CSNK1A1: variants seen among roughly 807,000 people sequenced by gnomAD.
The protein encoded by CSNK1A1 is casein kinase 1 alpha 1.
CSNK1A1 carries 7 observed loss-of-function variants against 46.1 expected under a neutral mutation model. The observed-to-expected ratio is 0.15, with a 90% CI of 0.09 to 0.29. The LOEUF is 0.29. Ranked by LOEUF, CSNK1A1 falls within the 10% of genes least tolerant of loss-of-function variation. The pLI, the probability that CSNK1A1 is intolerant of heterozygous loss-of-function variation, is 1.00. For missense variants in CSNK1A1, 96 were observed against 417.1 expected (o/e 0.23, Z 6.71); for synonymous variants, 137 against 141.5 (o/e 0.97, Z 0.23).
intron 9 of CSNK1A1, chr5:149,498,306 C>G (rs1171934019): frequency 1.8e-5 from 18 of 985,010 alleles, no homozygotes; most frequent in Non-Finnish European, 2.0e-5. Flanking sequence ...GTACTAAGTC[C>G]ATAAGCACCA....
intron 6 of CSNK1A1, among the ~76,000 whole-genome samples, chr5:149,510,546 T>C (rs1237486996): frequency 2.0e-5 from 3 of 152,178 alleles, no homozygotes; most frequent in African/African-American, 2.4e-5. Context: ...GGCTCGATTA[T>C]AGCTCGCTGT....
In CSNK1A1 at chr5:149,510,078, A is replaced by T. The variant is rs552492110; in HGVS notation, c.676-125T>A. The T allele has an allele frequency of 1.1e-3, 705 of 636,060 alleles. 1 individual carries two copies. Among genetic ancestry groups the T allele is most frequent in the Non-Finnish European group, 1.6e-3 (640 of 399,646 alleles). The allele number at this position is 636,060 out of a possible 1,614,324, so 39.4% of individuals were successfully genotyped here. A position where few individuals can be genotyped will look rare whatever the true frequency, so the allele number is the denominator to read the frequency against. On this transcript the variant is annotated intron_variant, in intron 6 of 9. Transcript: ENST00000377843. ...CAAGAGAAATTTTAACCCAGAATTT[A>T]AAAAATCAAAGTATAATACATCTAA...
At chr5:149,532,216 G>A (rs1346698367) in intron 2 of CSNK1A1, among the ~76,000 whole-genome samples, 1 of 152,040 alleles carries the variant, frequency 6.6e-6, no homozygotes, top group Non-Finnish European at 1.5e-5. Flanking sequence ...TATAGGAGCA[G>A]GTCTAATAAA....
intron 5 of CSNK1A1, 43 bp from the exon 6 acceptor site, chr5:149,511,915 T>C (rs745801912): frequency 6.2e-6 from 9 of 1,442,222 alleles, no homozygotes; most frequent in African/African-American, 2.8e-5. Context: ...ACTATTATTA[T>C]GAAAAAACAT....
intron 2 of CSNK1A1, among the ~76,000 whole-genome samples, chr5:149,547,955 C>T (rs1762531931): frequency 6.6e-6 from 1 of 151,994 alleles, no homozygotes; most frequent in Admixed American, 6.5e-5. Context: ...ACTGCAACCT[C>T]CGACTCCCGG....
At chr5:149,541,779 CA>C (rs1304537907) in intron 2 of CSNK1A1, among the ~76,000 whole-genome samples, 3 of 151,710 alleles carry the variant, frequency 2.0e-5, no homozygotes, top group African/African-American at 7.3e-5. Flanking sequence ...AGTTCGAGAC[CA>C]GCCTGACCAA....
chr5:149,542,357 T>C (rs1415867395), intron 2 of CSNK1A1, among the ~76,000 whole-genome samples: 1 of 151,480 alleles, frequency 6.6e-6, no homozygotes, highest in Non-Finnish European at 1.5e-5. Context: ...TTTCATTATA[T>C]GTTACAATGT....
chr5:149,501,612 C>T (rs1018425853), intron 9 of CSNK1A1: 1 of 985,098 alleles, frequency 1.0e-6, no homozygotes, highest in African/African-American at 1.7e-5. Context: ...TGATAAAACT[C>T]TGCTTAGTAA....
chr5:149,548,187 A>G (rs1291635311), intron 2 of CSNK1A1, among the ~76,000 whole-genome samples: 1 of 152,106 alleles, frequency 6.6e-6, no homozygotes, highest in Non-Finnish European at 1.5e-5. Flanking sequence ...CTTTTTAAGG[A>G]CAGTTTTATT....
At chr5:149,522,258 C>T (rs1281720866) in intron 3 of CSNK1A1, among the ~76,000 whole-genome samples, 1 of 152,062 alleles carries the variant, frequency 6.6e-6, no homozygotes, top group African/African-American at 2.4e-5. Context: ...CGGACATGCG[C>T]GTTACCATGC....
intron 2 of CSNK1A1, among the ~76,000 whole-genome samples, chr5:149,542,597 TATATATATATA>T (rs1762275103): frequency 1.8e-3 from 6 of 3,256 alleles, no homozygotes; most frequent in African/African-American, 0.013. Context: ...CAAATTTATA[TATATATATATA>T]TATATATATA....
intron 9 of CSNK1A1, chr5:149,498,903 CCTGTTAT>C (rs1164107845): frequency 1.0e-6 from 1 of 985,236 alleles, no homozygotes; most frequent in South Asian, 4.7e-5. Flanking sequence ...CATCTTTTGA[CCTGTTAT>C]CTGAGGAATT....
intron 9 of CSNK1A1, chr5:149,502,356 T>C (rs1016812802): frequency 3.1e-6 from 3 of 962,250 alleles, no homozygotes; most frequent in South Asian, 4.8e-5. Context: ...AAATTCCTTG[T>C]TGTGACACAG....
intron 4 of CSNK1A1, among the ~76,000 whole-genome samples, chr5:149,514,241 G>A (rs1050276490): frequency 6.6e-6 from 1 of 152,124 alleles, no homozygotes; most frequent in African/African-American, 2.4e-5. Flanking sequence ...ATGTCTATAT[G>A]GTACTCAGGG....
In CSNK1A1 at chr5:149,498,223, GC is replaced by G. The variant is rs915135119; in HGVS notation, c.1007-1364del. ...TAATATTTATTTCTTATGCATATAT[GC>G]CCCTTTTTTTTTTTGGGAAATAATA... is the stretch of plus-strand genomic sequence containing the variant. On this transcript the variant is annotated intron_variant, in intron 9 of 9. Coordinates refer to ENST00000377843, the MANE Select transcript of CSNK1A1 (RefSeq NM_001892.6). The G allele has an allele frequency of 3.3e-5, 32 of 984,470 alleles. No homozygotes were observed. In the African/African-American group the frequency reaches 5.3e-4, roughly 16 times the overall value. The allele number at this position is 984,470 out of a possible 1,614,324, so 61.0% of individuals were successfully genotyped here. A position where few individuals can be genotyped will look rare whatever the true frequency, so the allele number is the denominator to read the frequency against.
chr5:149,517,416 A>G lies in CSNK1A1; in HGVS notation c.456+2874T>C, dbSNP rs1161540634. On this transcript the variant is annotated intron_variant, in intron 4 of 9. Transcript: ENST00000377843. The surrounding 1 kb of genome is among the most constrained non-coding windows in gnomAD (Gnocchi z 4.4). ...CAGCACTAATGAACTGAATTTAAAT[A>G]TATTTCGTGCATTAAGTTGTGTAAC... is the stretch of plus-strand genomic sequence containing the variant. Among the ~76,000 whole-genome samples, 2 of 152,190 alleles carry G rather than the reference A, an allele frequency of 1.3e-5. No individual in the cohort carries two copies. The highest frequency in any genetic ancestry group is 2.4e-5 in the African/African-American group (1 of 41,446).
intron 4 of CSNK1A1, among the ~76,000 whole-genome samples, chr5:149,516,107 G>A (rs888749324): frequency 1.3e-5 from 2 of 152,166 alleles, no homozygotes; most frequent in Admixed American, 1.3e-4. Context: ...ATCACTTGAG[G>A]TCAGGAGTTC....
At position 149,550,310 on chromosome 5, in the gene CSNK1A1, G is replaced by A; in HGVS notation, c.124-129C>T. The A allele has an allele frequency of 6.8e-7, 1 of 1,467,442 alleles. No individual in the cohort carries two copies. Among genetic ancestry groups the A allele is most frequent in the Non-Finnish European group, 9.0e-7 (1 of 1,114,818 alleles). The allele number at this position is 1,467,442 out of a possible 1,614,324, so 90.9% of individuals were successfully genotyped here. A position where few individuals can be genotyped will look rare whatever the true frequency, so the allele number is the denominator to read the frequency against. The stretch of plus-strand genomic sequence containing the variant: ...AGAAGTGAAAAGCTGGAAAGAGAAA[G>A]CTCTCGGTAATTATAAAACGAGGCA... On this transcript the variant is annotated intron_variant, in intron 1 of 9. Transcript: ENST00000377843. This position sits in a 1 kb window ranked among gnomAD's most constrained non-coding sequence, Gnocchi z 4.3.
At position 149,517,404 on chromosome 5, in the gene CSNK1A1, C is replaced by T. The variant is rs891402680; in HGVS notation, c.456+2886G>A. ...ATATTCATTATACAGCACTAATGAA[C>T]TGAATTTAAATATATTTCGTGCATT... On this transcript the variant is annotated intron_variant, in intron 4 of 9. Coordinates refer to ENST00000377843, the MANE Select transcript of CSNK1A1 (RefSeq NM_001892.6). This position sits in a 1 kb window ranked among gnomAD's most constrained non-coding sequence, Gnocchi z 4.4. Among the ~76,000 whole-genome samples, 1 of 152,102 alleles carries T rather than the reference C, an allele frequency of 6.6e-6. No homozygotes were observed. Among genetic ancestry groups the T allele is most frequent in the Admixed American group, 6.6e-5 (1 of 15,256 alleles).
Sources: gnomAD v4.1 joint callset for allele counts (sites outside exome capture counted in the v4.1 genomes callset) on GRCh38, gnomAD v4.1.1 for gene constraint, Gnocchi (gnomAD v3.1) non-coding constraint, MANE v1.5 for transcripts, NCBI Gene and HGNC (gene_info 2026-07-23, HGNC 2026-07-21) for gene names.